Variants in TENM2 observed in about 807,000 individuals in gnomAD.
The protein encoded by TENM2 is teneurin transmembrane protein 2, also known as teneurin-2.
TENM2 carries 52 observed loss-of-function variants against 245.2 expected under a neutral mutation model. The ratio of observed to expected loss-of-function variants is 0.21; its 90% CI spans 0.17 to 0.27. TENM2 has a LOEUF of 0.27. Ranked by LOEUF, TENM2 falls within the 10% of genes least tolerant of loss-of-function variation. TENM2 has a pLI of 1.00. For synonymous variants in TENM2, 1,363 were observed against 1,438.9 expected (o/e 0.95, Z 1.19); for missense variants, 3,046 against 3,666.8 (o/e 0.83, Z 4.37).
the TENM2 span, among the ~76,000 whole-genome samples, chr5:167,152,407 G>A: frequency 6.6e-6 from 1 of 152,106 alleles, no homozygotes; most frequent in African/African-American, 2.4e-5. Flanking sequence ...CTAGTAGGAG[G>A]AAAATATTAT....
intron 2 of TENM2, among the ~76,000 whole-genome samples, chr5:167,570,012 G>A (rs1247801907): frequency 6.6e-6 from 1 of 152,156 alleles, no homozygotes; most frequent in African/African-American, 2.4e-5. Flanking sequence ...TGGAGGACAT[G>A]TAACCTGTCC....
intron 2 of TENM2, among the ~76,000 whole-genome samples, chr5:167,574,669 C>T (rs1174847866): frequency 6.6e-6 from 1 of 152,124 alleles, no homozygotes; most frequent in African/African-American, 2.4e-5. Flanking sequence ...ATTAGGAGAA[C>T]TGAATTATGA....
intron 25 of TENM2, among the ~76,000 whole-genome samples, chr5:168,237,002 T>A (rs867396048): frequency 7.4e-3 from 100 of 13,466 alleles, no homozygotes; most frequent in Non-Finnish European, 9.2e-3. Context: ...ATATATATAT[T>A]TTTTTTTTTT....
At chr5:167,497,819 C>T (rs891091209) in intron 2 of TENM2, among the ~76,000 whole-genome samples, 2 of 151,854 alleles carry the variant, frequency 1.3e-5, no homozygotes, top group East Asian at 1.9e-4. Context: ...TAAATGTTTC[C>T]GAATGCCGGT....
the TENM2 span, among the ~76,000 whole-genome samples, chr5:167,157,215 G>A: frequency 1.3e-5 from 2 of 152,070 alleles, no homozygotes; most frequent in African/African-American, 2.4e-5. Flanking sequence ...GTTCTTCAGC[G>A]TTTGTGTTTC....
chr5:168,217,426 C>G (rs1318465692), intron 22 of TENM2, among the ~76,000 whole-genome samples: 1 of 152,194 alleles, frequency 6.6e-6, no homozygotes, highest in Non-Finnish European at 1.5e-5. Context: ...GAGGCTCACT[C>G]AAATATACAG....
chr5:167,872,554 GAA>G (rs1285980527), intron 2 of TENM2, among the ~76,000 whole-genome samples: 686 of 57,872 alleles, frequency 0.012, 4 homozygotes, highest in Non-Finnish European at 0.019. Flanking sequence ...GAAAGAGAAA[GAA>G]AGAAAGAAAG....
chr5:167,640,793 T>C (rs1779502863), intron 2 of TENM2, among the ~76,000 whole-genome samples: 1 of 139,258 alleles, frequency 7.2e-6, no homozygotes, highest in Admixed American at 7.6e-5. Context: ...TAAGGCAGTG[T>C]TACCTATAGA....
chr5:167,596,607 C>T (rs1050969495), intron 2 of TENM2, among the ~76,000 whole-genome samples: 10 of 152,088 alleles, frequency 6.6e-5, no homozygotes, highest in African/African-American at 2.2e-4. Flanking sequence ...TCCTGGCTAA[C>T]GTGGTGAAAC....
At chr5:167,732,913 C>G (rs544158905) in intron 2 of TENM2, among the ~76,000 whole-genome samples, 1 of 152,240 alleles carries the variant, frequency 6.6e-6, no homozygotes, top group East Asian at 1.9e-4. Flanking sequence ...ATTAACCATG[C>G]CATGTGTTCA....
At chr5:168,254,828 C>T (rs1008114238) in intron 27 of TENM2, among the ~76,000 whole-genome samples, 15 of 152,128 alleles carry the variant, frequency 9.9e-5, no homozygotes, top group African/African-American at 3.4e-4. Context: ...AGGTGGATCA[C>T]CTGAGGTCAG....
At chr5:168,153,645 G>A (rs948820410) in intron 12 of TENM2, among the ~76,000 whole-genome samples, 2 of 152,224 alleles carry the variant, frequency 1.3e-5, no homozygotes, top group African/African-American at 2.4e-5. Context: ...GGGCCTTTGA[G>A]GCCCTTTTAG....
At chr5:167,400,494 T>C (rs767390542) in intron 2 of TENM2, among the ~76,000 whole-genome samples, 4 of 152,166 alleles carry the variant, frequency 2.6e-5, no homozygotes, top group Non-Finnish European at 4.4e-5. Flanking sequence ...ATATATTTTC[T>C]TGGGCTTCTG....
chr5:167,252,027 T>C, the TENM2 span, among the ~76,000 whole-genome samples: 3 of 152,096 alleles, frequency 2.0e-5, no homozygotes, highest in Non-Finnish European at 4.4e-5. Context: ...AAAACAAGAT[T>C]GAGGAATGCA....
chr5:167,143,805 C>A, the TENM2 span, among the ~76,000 whole-genome samples: 3 of 152,172 alleles, frequency 2.0e-5, no homozygotes, highest in African/African-American at 4.8e-5. Flanking sequence ...TTTAAAAGAA[C>A]TAATTATATC....
intron 13 of TENM2, chr5:168,187,800 A>G (rs1760607005): frequency 6.6e-6 from 1 of 152,092 alleles, no homozygotes; most frequent in Non-Finnish European, 1.5e-5. Flanking sequence ...TACAATCTCC[A>G]GTGCTGTTTC....
the TENM2 span, among the ~76,000 whole-genome samples, chr5:167,085,993 A>G: frequency 2.6e-5 from 4 of 151,874 alleles, no homozygotes; most frequent in Admixed American, 6.6e-5. Context: ...CATGTTACCT[A>G]GGAGAAGTCT....
At chr5:167,457,056 A>G (rs1489438427) in intron 2 of TENM2, among the ~76,000 whole-genome samples, 2 of 152,162 alleles carry the variant, frequency 1.3e-5, no homozygotes, top group Admixed American at 1.3e-4. Context: ...ACAAAAATGT[A>G]AAAATTATTT....
chr5:168,253,424 A>ATTTTTTTTTTTTTTTTTTTTTTT lies in TENM2; in HGVS notation c.7432+5057_7432+5058insTTTTTTTTTTTTTTTTTTTTTTT, dbSNP rs200574779. Reference sequence around the variant, plus strand: ...AAAAAAGCTAATAAATGCATTCATTATTTTATTTTTTTTTTTTTTGAGACA... The same window carrying ATTTTTTTTTTTTTTTTTTTTTTT: ...AAAAAAGCTAATAAATGCATTCATTATTTTTTTTTTTTTTTTTTTTTTTTTTTATTTTTTTTTTTTTTGAGACA... On this transcript the variant is annotated intron_variant, in intron 27 of 28. Coordinates refer to ENST00000518659, the Ensembl canonical transcript of TENM2. 1.4e-5 allele frequency among the ~76,000 whole-genome samples: 2 copies of ATTTTTTTTTTTTTTTTTTTTTTT among 139,840 alleles called. 1 individual carries two copies. The allele number at this position is 139,840 out of a possible 152,430, so 91.7% of individuals were successfully genotyped here. A position where few individuals can be genotyped will look rare whatever the true frequency, so the allele number is the denominator to read the frequency against.
Sources: gnomAD v4.1 joint callset for allele counts (sites outside exome capture counted in the v4.1 genomes callset) on GRCh38, gnomAD v4.1.1 for gene constraint, MANE v1.5 for transcripts, NCBI Gene and HGNC (gene_info 2026-07-23, HGNC 2026-07-21) for gene names.